The following RP1 variants were observed in gnomAD, a reference collection of about 807,000 sequenced individuals.
RP1 encodes oxygen-regulated protein 1.
In RP1, 16 loss-of-function variants were observed where a neutral mutation model predicts 14.8. That is an observed-to-expected ratio of 1.08 (90% confidence interval 0.73 to 1.65). RP1 has a LOEUF of 1.65. Among genes scored for constraint, RP1 ranks in the 40% most tolerant of loss-of-function variants. The probability of loss-of-function intolerance (pLI) is 0.00; values close to 1 mark genes in which losing one functional copy is unlikely to be tolerated. For synonymous variants in RP1, 876 were observed against 883.6 expected, an observed-to-expected ratio of 0.99 and a Z score of 0.15; for missense variants, 2,631 against 2,535.0, an observed-to-expected ratio of 1.04 and a Z score of -0.81.
At chr8:54,620,838 A>G (rs1805838359) in intron 1 of RP1, 117 bp from the exon 2 acceptor site, 2 of 1,021,988 alleles carry the variant, frequency 2.0e-6, no homozygotes, top group Non-Finnish European at 3.0e-6. Flanking sequence ...TAAATGAATG[A>G]AAGAATAAAC....
rs981914678 is a variant in RP1 at position 54,857,158 on chromosome 8, C to T, written c.4069+52C>T. 21 of 723,418 alleles carry T rather than the reference C, an allele frequency of 2.9e-5. No homozygotes were observed. The Admixed American group carries it at 3.6e-4, about 12-fold the overall frequency. The allele number at this position is 723,418 out of a possible 1,614,324, so 44.8% of individuals were successfully genotyped here. On this transcript the variant is annotated intron_variant, in intron 27 of 28. Transcript: ENST00000637698. ...TTTATTTTGCAAATTTATGAAAAATCGTATAAGAAGCAGGTGAAAGAACAG... is the reference window on the plus strand; with the variant it reads ...TTTATTTTGCAAATTTATGAAAAATTGTATAAGAAGCAGGTGAAAGAACAG...
At chr8:54,642,556 G>T (rs1050212941) in intron 3 of RP1, among the ~76,000 whole-genome samples, 1 of 151,906 alleles carries the variant, frequency 6.6e-6, no homozygotes, top group Non-Finnish European at 1.5e-5. Flanking sequence ...ACCACATTTT[G>T]CTTTATTCTT....
chr8:54,617,286 G>A (rs185629786), intron 1 of RP1, among the ~76,000 whole-genome samples: 15 of 152,234 alleles, frequency 9.9e-5, no homozygotes, highest in East Asian at 3.9e-4. Context: ...CAGTTTGTTC[G>A]TTCCCTAGGT....
intron 19 of RP1, among the ~76,000 whole-genome samples, chr8:54,748,505 T>C (rs2129363121): frequency 6.6e-6 from 1 of 152,274 alleles, no homozygotes; most frequent in South Asian, 2.1e-4. Context: ...CCATAGTTGG[T>C]CCCCCTTGTA....
intron 19 of RP1, among the ~76,000 whole-genome samples, chr8:54,749,939 G>A (rs1393598558): frequency 6.6e-6 from 1 of 151,832 alleles, no homozygotes; most frequent in East Asian, 1.9e-4. Context: ...AATTCATGGA[G>A]GGGCCCAGGA....
At chr8:54,613,093 G>A (rs16920597), upstream of RP1, among the ~76,000 whole-genome samples, 386 of 152,302 alleles carry the variant, frequency 2.5e-3, 7 homozygotes, top group Admixed American at 0.023. Flanking sequence ...TACACAGTGA[G>A]TATGCATTAA....
At chr8:54,743,209 C>T (rs1417464067) in intron 19 of RP1, among the ~76,000 whole-genome samples, 1 of 152,200 alleles carries the variant, frequency 6.6e-6, no homozygotes, top group Admixed American at 6.5e-5. Flanking sequence ...ACTCCATCTA[C>T]TTTACCATTC....
chr8:54,790,328 G>A (rs1256563494), intron 24 of RP1, among the ~76,000 whole-genome samples: 1 of 152,212 alleles, frequency 6.6e-6, no homozygotes, highest in African/African-American at 2.4e-5. Context: ...AGGCTGGGCT[G>A]ATGGGTGAAG....
intron 24 of RP1, among the ~76,000 whole-genome samples, chr8:54,829,792 G>C (rs1477239537): frequency 6.6e-6 from 1 of 152,038 alleles, no homozygotes; most frequent in Non-Finnish European, 1.5e-5. Context: ...CCCTTATCTG[G>C]TGAGAAAAGT....
intron 27 of RP1, among the ~76,000 whole-genome samples, chr8:54,858,884 GTTA>G (rs1812269837): frequency 6.6e-6 from 1 of 152,054 alleles, no homozygotes. Flanking sequence ...GCAGAGTGAT[GTTA>G]CTGTAGAGGA....
At chr8:54,592,440 C>T (rs1228119600) in intron 1 of RP1, among the ~76,000 whole-genome samples, 5 of 152,146 alleles carry the variant, frequency 3.3e-5, no homozygotes, top group Non-Finnish European at 7.3e-5. Context: ...GGCCCTGCTG[C>T]GATGAGCTGG....
chr8:54,812,795 A>ATCTATCTG (rs1811039300), intron 24 of RP1, among the ~76,000 whole-genome samples: 2 of 148,664 alleles, frequency 1.3e-5, no homozygotes, highest in South Asian at 4.2e-4. Flanking sequence ...CTATCTATCT[A>ATCTATCTG]TCTATCTATC....
intron 24 of RP1, among the ~76,000 whole-genome samples, chr8:54,807,472 A>G (rs1226923342): frequency 6.6e-6 from 1 of 152,100 alleles, no homozygotes; most frequent in African/African-American, 2.4e-5. Flanking sequence ...TGCATGCTGT[A>G]TTCAATGTGT....
chr8:54,718,168 C>T (rs932658920), intron 15 of RP1, among the ~76,000 whole-genome samples: 2 of 152,112 alleles, frequency 1.3e-5, no homozygotes, highest in Non-Finnish European at 2.9e-5. Flanking sequence ...AGATTCAATA[C>T]AATTCCAGTC....
rs1243190995 is a variant in RP1, at chr8:54,819,210, A to G, written c.3616-18240A>G. On this transcript the variant is annotated intron_variant, in intron 24 of 28. Transcript: ENST00000637698. ...ATATAGCCTGCCTTCACACTCACTA[A>G]TTCTTTCTTCTGCTTGATCAGTTCA... 5.9e-5 allele frequency among the ~76,000 whole-genome samples: 9 copies of G among 151,516 alleles called. No individual in the cohort carries two copies. In the East Asian group the frequency reaches 1.8e-3, roughly 30 times the overall value.
At chr8:54,580,627 A>G (rs1414200993) in intron 1 of RP1, among the ~76,000 whole-genome samples, 16 of 141,384 alleles carry the variant, frequency 1.1e-4, no homozygotes. Context: ...TTATTTATTT[A>G]TTTATTTTTG....
intron 3 of RP1, 82 bp from the exon 4 acceptor site, chr8:54,624,588 T>C (rs1805974280): frequency 1.4e-6 from 2 of 1,397,814 alleles, no homozygotes; most frequent in Non-Finnish European, 2.0e-6. Context: ...TTTTGCTGCC[T>C]CTTCCTTTGG....
At chr8:54,748,513 G>T (rs1809282303) in intron 19 of RP1, among the ~76,000 whole-genome samples, 1 of 152,184 alleles carries the variant, frequency 6.6e-6, no homozygotes, top group African/African-American at 2.4e-5. Flanking sequence ...GGTCCCCCTT[G>T]TACAGTCCTT....
chr8:54,766,554 G>C (rs917514020), intron 22 of RP1, among the ~76,000 whole-genome samples: 5 of 152,092 alleles, frequency 3.3e-5, no homozygotes, highest in African/African-American at 9.7e-5. Context: ...TTGGGGATGG[G>C]GGTGGAGACA....
Sources: allele counts gnomAD v4.1 joint callset (sites outside exome capture counted in the v4.1 genomes callset), GRCh38; gene constraint gnomAD v4.1.1; transcripts MANE v1.5; gene names NCBI Gene and HGNC (gene_info 2026-07-23, HGNC 2026-07-21).